Variants in KIF23 observed in about 807,000 individuals in gnomAD.
KIF23 encodes kinesin family member 23.
Under a neutral mutation model 137.5 loss-of-function variants are expected in KIF23, and 30 were observed. That is an observed-to-expected ratio of 0.22 (90% confidence interval 0.16 to 0.30). The LOEUF (loss-of-function observed/expected upper bound fraction) is 0.30. Ranked by LOEUF, KIF23 falls within the 10% of genes least tolerant of loss-of-function variation. KIF23 has a pLI of 1.00. For synonymous variants in KIF23, 367 were observed against 391.1 expected (o/e 0.94, Z 0.73); for missense variants, 920 against 1,194.3 (o/e 0.77, Z 3.38).
At chr15:69,435,873 A>T (rs1381175401) in intron 13 of KIF23, 102 bp downstream of exon 13, 2 of 1,431,614 alleles carry the variant, frequency 1.4e-6, no homozygotes, top group Non-Finnish European at 1.9e-6. Flanking sequence ...AAATGGATAG[A>T]GAACCATTGA....
At chr15:69,439,429 A>G (rs780310371) in intron 16 of KIF23, among the ~76,000 whole-genome samples, 1 of 152,182 alleles carries the variant, frequency 6.6e-6, no homozygotes, top group Non-Finnish European at 1.5e-5. Context: ...TGGTTTACAA[A>G]TCGATTGTAA....
At chr15:69,424,201 G>A (rs2057131546) in intron 7 of KIF23, among the ~76,000 whole-genome samples, 2 of 152,128 alleles carry the variant, frequency 1.3e-5, no homozygotes, top group Non-Finnish European at 2.9e-5. Context: ...CTTGATACAA[G>A]CATTTCTGTG....
At chr15:69,428,375 G>A (rs766013829) in intron 10 of KIF23, among the ~76,000 whole-genome samples, 2 of 151,878 alleles carry the variant, frequency 1.3e-5, no homozygotes, top group African/African-American at 4.8e-5. Flanking sequence ...AGAATTATTT[G>A]CTGGGCGTGG....
chr15:69,439,313 CTT>C (rs879754770), intron 16 of KIF23, among the ~76,000 whole-genome samples: 2 of 140,306 alleles, frequency 1.4e-5, no homozygotes, highest in African/African-American at 2.6e-5. Context: ...CCTTAGTATG[CTT>C]TTTTTTTTTA....
intron 23 of KIF23, 56 bp from the exon 24 acceptor site, chr15:69,447,736 A>G: frequency 1.3e-6 from 2 of 1,560,112 alleles, no homozygotes; most frequent in South Asian, 1.2e-5. Flanking sequence ...TTGATTTGCT[A>G]TGAATGTGTT....
chr15:69,434,987 C>T (rs1447974633), intron 11 of KIF23: 12 of 625,894 alleles, frequency 1.9e-5, no homozygotes, highest in Non-Finnish European at 2.0e-5. Flanking sequence ...TGGACAGCTT[C>T]AGAAACAGCA....
At chr15:69,446,116 T>G in intron 21 of KIF23, 25 bp downstream of exon 21, 1 of 1,595,484 alleles carries the variant, frequency 6.3e-7, no homozygotes, top group Non-Finnish European at 8.6e-7. Flanking sequence ...AAAATCTCTG[T>G]ATAAAAGTTG....
At chr15:69,429,060 T>C (rs749566351) in intron 10 of KIF23, 51 bp from the exon 11 acceptor site, 17 of 1,234,218 alleles carry the variant, frequency 1.4e-5, no homozygotes, top group Non-Finnish European at 2.0e-5. Context: ...TAAAGAACAT[T>C]ATAAACCAGT....
At position 69,441,029 on chromosome 15, in the gene KIF23, GTTCCTACA is replaced by G. The variant is rs746707510; in HGVS notation, c.2375_2382del (p.Pro792GlnfsTer3). 6.2e-7 allele frequency: 1 copy of G among 1,614,012 alleles called. No homozygotes were observed. Among genetic ancestry groups the G allele is most frequent in the East Asian group, 2.2e-5 (1 of 44,890 alleles). On this transcript the variant is annotated frameshift_variant, in exon 19 of 24. Coordinates refer to ENST00000679126, the MANE Select transcript of KIF23 (RefSeq NM_001367805.3). LOFTEE classifies it high-confidence loss of function. ...GTACTGGACTGAAGGCAGGGAGGTG[GTTCCTACA>G]TTCAGAAATGAGATAGAAATAGAAG...
Position 69,436,658 on chromosome 15 carries a change from G to C in KIF23, c.1533G>C (p.Leu511=), listed in dbSNP as rs1297325751. The change falls in exon 15 of 24, where the codon CTG becomes CTC. Residue 511 remains leucine (L), a synonymous_variant. Transcript: ENST00000679126. ...DINDEQTLPR[L]IEALEKRHNL... is the part of the protein sequence containing the mutation. ...ACGATGAGCAGACACTTCCAAGGCT[G>C]ATTGAAGCCTTAGAGAAACGACATA... 1 of 1,609,372 alleles carries C rather than the reference G, an allele frequency of 6.2e-7. No individual in the cohort carries two copies. The highest frequency in any genetic ancestry group is 8.5e-7 in the Non-Finnish European group (1 of 1,176,900).
At position 69,435,468 on chromosome 15, in the gene KIF23, A is replaced by ATT. The variant is rs201097666; in HGVS notation, c.1115-9_1115-8dup. 11 of 1,604,862 alleles carry ATT rather than the reference A, an allele frequency of 6.9e-6. No homozygotes were observed. In the African/African-American group the frequency reaches 1.5e-4, roughly 21 times the overall value. ...TGTTGTTCTGAAATGGCGTCTATGT[A>ATT]TTTTTTTCTGTCAGGTAATATTAAT... On this transcript the variant is annotated splice_polypyrimidine_tract_variant and intron_variant, in intron 11 of 23. Coordinates refer to ENST00000679126, the MANE Select transcript of KIF23 (RefSeq NM_001367805.3).
At chr15:69,430,277 GTA>G (rs1418299455) in intron 11 of KIF23, among the ~76,000 whole-genome samples, 3 of 151,992 alleles carry the variant, frequency 2.0e-5, no homozygotes, top group Admixed American at 6.6e-5. Context: ...TACTTTTTGG[GTA>G]TATGTTATAT....
intron 6 of KIF23, 52 bp downstream of exon 6, chr15:69,422,487 C>G (rs143168640): frequency 8.5e-6 from 9 of 1,053,894 alleles, no homozygotes; most frequent in Non-Finnish European, 1.3e-5. Context: ...AGGATTCTTT[C>G]CTGTGGTTTG....
At position 69,418,637 on chromosome 15, in the gene KIF23, C is replaced by T. The variant is rs115004085; in HGVS notation, c.210+1126C>T. ...TCCACTGCCACCACCCTAGTCTGAGCCCCATTATTAATCACTGAGACCAGA... is the reference window on the plus strand; with the variant it reads ...TCCACTGCCACCACCCTAGTCTGAGTCCCATTATTAATCACTGAGACCAGA... On this transcript the variant is annotated intron_variant, in intron 3 of 23. Transcript: ENST00000679126. 7.4e-3 allele frequency among the ~76,000 whole-genome samples: 1,123 copies of T among 152,218 alleles called. 20 individuals are homozygous for T. Among genetic ancestry groups the T allele is most frequent in the African/African-American group, 0.025 (1,045 of 41,518 alleles).
chr15:69,446,431 C>A, intron 22 of KIF23, 67 bp downstream of exon 22: 2 of 1,260,818 alleles, frequency 1.6e-6, no homozygotes, highest in Admixed American at 1.8e-5. Flanking sequence ...AACCCCACAG[C>A]TCTAGATTTT....
chr15:69,419,066 G>C (rs761358154), intron 3 of KIF23, among the ~76,000 whole-genome samples: 1 of 152,132 alleles, frequency 6.6e-6, no homozygotes, highest in Non-Finnish European at 1.5e-5. Context: ...GCAGTGAGCC[G>C]AGATCGCGCC....
rs200991036 is a variant in KIF23, at chr15:69,435,716, A to T, written c.1259A>T (p.Lys420Ile). 1 of 1,614,186 alleles carries T rather than the reference A, an allele frequency of 6.2e-7. No individual in the cohort carries two copies. ...LFKNYFDGEGKVRMIVCVNPK... is the reference protein window; with the variant it reads ...LFKNYFDGEGIVRMIVCVNPK... ...AAGAACTACTTTGATGGGGAAGGAAAAGTGCGGATGATCGTGTGTGTGAAC... is the reference window on the plus strand; with the variant it reads ...AAGAACTACTTTGATGGGGAAGGAATAGTGCGGATGATCGTGTGTGTGAAC... Residue 420 changes from lysine to isoleucine, a missense_variant, in exon 13 of 24, where the codon AAA (lysine) becomes ATA (isoleucine). By Grantham distance (102) the Lys-to-Ile change is moderately radical. This residue lies in a region of KIF23 where 714 missense variants were observed against 866.2 expected (regional missense o/e 0.82). Coordinates refer to ENST00000679126, the MANE Select transcript of KIF23 (RefSeq NM_001367805.3).
chr15:69,436,363 T>C (rs1441723076), intron 14 of KIF23, 102 bp downstream of exon 14: 5 of 1,413,242 alleles, frequency 3.5e-6, no homozygotes, highest in Non-Finnish European at 4.8e-6. Flanking sequence ...ACATACCTTC[T>C]GAAGAACCAA....
At position 69,446,003 on chromosome 15, in the gene KIF23, CTT is replaced by C; in HGVS notation, c.2674-4_2674-3del. On this transcript the variant is annotated splice_polypyrimidine_tract_variant and splice_region_variant and intron_variant, in intron 20 of 23. Coordinates refer to ENST00000679126, the MANE Select transcript of KIF23 (RefSeq NM_001367805.3). The stretch of plus-strand genomic sequence containing the variant: ...GTGTAACAGTGACCTTTTCTTTTGG[CTT>C]TAGGGTGATATTTATAAAACAAGGG... The C allele has an allele frequency of 6.2e-7, 1 of 1,609,500 alleles. No homozygotes were observed. Among genetic ancestry groups the C allele is most frequent in the Non-Finnish European group, 8.5e-7 (1 of 1,176,190 alleles).
Sources: gnomAD v4.1 joint callset for allele counts (sites outside exome capture counted in the v4.1 genomes callset) on GRCh38, gnomAD v4.1.1 for gene constraint, gnomAD v4.1.1 regional missense constraint, MANE v1.5 for transcripts, NCBI Gene and HGNC (gene_info 2026-07-23, HGNC 2026-07-21) for gene names.